GRM5: variants seen among roughly 807,000 people sequenced by gnomAD.
GRM5 encodes metabotropic glutamate receptor 5.
In GRM5, 19 loss-of-function variants were observed where a neutral mutation model predicts 83.1. The observed-to-expected ratio is 0.23, with a 90% CI of 0.16 to 0.34. The LOEUF (loss-of-function observed/expected upper bound fraction) is 0.34. Ranked by LOEUF, GRM5 falls within the 10% of genes least tolerant of loss-of-function variation. The pLI is 1.00. For missense variants in GRM5, 1,160 were observed against 1,588.3 expected, an observed-to-expected ratio of 0.73 and a Z score of 4.58; for synonymous variants, 675 against 633.6, an observed-to-expected ratio of 1.07 and a Z score of -0.98.
Position 88,926,449 on chromosome 11 carries a change from A to G in GRM5, c.662-76294T>C, listed in dbSNP as rs571542604. Among the ~76,000 whole-genome samples the G allele has an allele frequency of 2.0e-5, 3 of 152,266 alleles. No homozygotes were observed. The East Asian group carries it at 5.8e-4, about 29-fold the overall frequency. On this transcript the variant is annotated intron_variant, in intron 2 of 9. Transcript: ENST00000305447. ...AGGCATTAAGTTTATATCTACAGAG[A>G]GTGTTCATACAAAACTTACGTATAT...
At chr11:88,658,985 A>C (rs1467629225) in intron 3 of GRM5, among the ~76,000 whole-genome samples, 2 of 152,194 alleles carry the variant, frequency 1.3e-5, no homozygotes, top group Non-Finnish European at 2.9e-5. Context: ...CTAAAAGCTT[A>C]CATGACAGAT....
chr11:88,790,550 C>G (rs1431651289), intron 3 of GRM5, among the ~76,000 whole-genome samples: 1 of 151,884 alleles, frequency 6.6e-6, no homozygotes, highest in African/African-American at 2.4e-5. Context: ...TAGAATAGTA[C>G]TAGGAGAGAA....
At chr11:89,037,184 G>T (rs1164328193) in intron 2 of GRM5, among the ~76,000 whole-genome samples, 3 of 151,980 alleles carry the variant, frequency 2.0e-5, no homozygotes, top group African/African-American at 2.4e-5. Context: ...GTGTGGGGGG[G>T]AGTTAGAAAT....
At chr11:88,775,535 G>T (rs1198260531) in intron 3 of GRM5, among the ~76,000 whole-genome samples, 3 of 152,162 alleles carry the variant, frequency 2.0e-5, no homozygotes, top group South Asian at 2.1e-4. Flanking sequence ...TGATGTTAGG[G>T]TGTCAATTTT....
chr11:89,025,830 G>T (rs1258429846), intron 2 of GRM5, among the ~76,000 whole-genome samples: 1 of 152,216 alleles, frequency 6.6e-6, no homozygotes, highest in African/African-American at 2.4e-5. Flanking sequence ...TCCTGTTACT[G>T]GTTATACAAC....
chr11:88,698,126 AC>A, intron 3 of GRM5, among the ~76,000 whole-genome samples: 1 of 152,280 alleles, frequency 6.6e-6, no homozygotes, highest in African/African-American at 2.4e-5. Context: ...AGCTAGGGAA[AC>A]TTTTAAAAAT....
chr11:88,710,800 T>C (rs1326086303), intron 3 of GRM5, among the ~76,000 whole-genome samples: 1 of 151,942 alleles, frequency 6.6e-6, no homozygotes, highest in Non-Finnish European at 1.5e-5. Flanking sequence ...ACAGGATACG[T>C]AAAATCTCTA....
rs560155252 is a variant in GRM5 at position 88,906,906 on chromosome 11, A to T, written c.662-56751T>A. ...AGGAGTTAATCAATTACCATTATCA[A>T]TTTTTTAAATACTAAATAATTACTA... On this transcript the variant is annotated intron_variant, in intron 2 of 9. Transcript: ENST00000305447. Among the ~76,000 whole-genome samples the T allele has an allele frequency of 3.3e-5, 5 of 152,330 alleles. No individual in the cohort carries two copies. The East Asian group carries it at 9.7e-4, about 29-fold the overall frequency.
At chr11:88,793,459 C>T (rs1304744043) in intron 3 of GRM5, among the ~76,000 whole-genome samples, 5 of 151,960 alleles carry the variant, frequency 3.3e-5, no homozygotes, top group Non-Finnish European at 7.4e-5. Flanking sequence ...ATGGTAGAAC[C>T]GTAGTATCAA....
intron 3 of GRM5, among the ~76,000 whole-genome samples, chr11:88,748,709 A>G (rs1286900843): frequency 1.3e-5 from 2 of 151,442 alleles, no homozygotes; most frequent in Non-Finnish European, 2.9e-5. Context: ...ACAGGTCAGT[A>G]CCCCCCCAGG....
In GRM5 at chr11:88,864,004, T is replaced by C. The variant is rs144572920; in HGVS notation, c.662-13849A>G. 2.1e-3 allele frequency among the ~76,000 whole-genome samples: 321 copies of C among 151,326 alleles called. 12 individuals carry two copies. In the East Asian group the frequency reaches 0.055, roughly 26 times the overall value. On this transcript the variant is annotated intron_variant, in intron 2 of 9. Coordinates refer to ENST00000305447, the MANE Select transcript of GRM5 (RefSeq NM_001143831.3). ...TACAATAAAGGTGAACGTTTAATGA[T>C]GTAGAATGGAAAATACTGTCATTTC...
chr11:88,704,107 T>C (rs1941098044), intron 3 of GRM5, among the ~76,000 whole-genome samples: 1 of 152,000 alleles, frequency 6.6e-6, no homozygotes, highest in Non-Finnish European at 1.5e-5. Flanking sequence ...AAAAGAGATG[T>C]CTTGTCTCTT....
chr11:88,593,285 C>T (rs1380661307), intron 6 of GRM5, among the ~76,000 whole-genome samples: 1 of 152,066 alleles, frequency 6.6e-6, no homozygotes, highest in Non-Finnish European at 1.5e-5. Context: ...CTAAATTGTA[C>T]ATTTAATAGA....
At chr11:88,816,017 TC>T (rs1195273203) in intron 3 of GRM5, among the ~76,000 whole-genome samples, 1 of 134,630 alleles carries the variant, frequency 7.4e-6, no homozygotes, top group African/African-American at 3.0e-5. Flanking sequence ...ATCGAGACCA[TC>T]CTGGCTAACA....
intron 1 of GRM5, among the ~76,000 whole-genome samples, chr11:89,049,767 GT>G (rs1941718743): frequency 6.6e-6 from 1 of 152,114 alleles, no homozygotes; most frequent in Admixed American, 6.5e-5. Flanking sequence ...GAAAAAAATA[GT>G]TTTGGTACAA....
At chr11:88,725,939 G>A (rs1265606515) in intron 3 of GRM5, among the ~76,000 whole-genome samples, 1 of 152,120 alleles carries the variant, frequency 6.6e-6, no homozygotes, top group Non-Finnish European at 1.5e-5. Flanking sequence ...AAAAAACAGT[G>A]CAAAAAGGTT....
At chr11:89,054,335 A>C (rs1327730475) in intron 1 of GRM5, among the ~76,000 whole-genome samples, 1 of 152,214 alleles carries the variant, frequency 6.6e-6, no homozygotes, top group Non-Finnish European at 1.5e-5. Context: ...GCCCGAACAC[A>C]AAAAGGATAG....
chr11:88,888,526 G>T (rs1480370582), intron 2 of GRM5, among the ~76,000 whole-genome samples: 4 of 152,044 alleles, frequency 2.6e-5, no homozygotes, highest in Admixed American at 2.6e-4. Flanking sequence ...CATTCAACCT[G>T]GGAGAAGTTA....
intron 4 of GRM5, among the ~76,000 whole-genome samples, chr11:88,624,907 G>A (rs1938749403): frequency 6.6e-6 from 1 of 152,062 alleles, no homozygotes; most frequent in African/African-American, 2.4e-5. Context: ...GTAAGATTTT[G>A]ATACAACTAA....
Sources: allele counts gnomAD v4.1 joint callset (sites outside exome capture counted in the v4.1 genomes callset), GRCh38; gene constraint gnomAD v4.1.1; transcripts MANE v1.5; gene names NCBI Gene and HGNC (gene_info 2026-07-23, HGNC 2026-07-21).